The following GTF2H3 variants were observed in gnomAD, a reference collection of about 807,000 sequenced individuals.
GTF2H3 encodes general transcription factor IIH subunit 3, also known as TFIIH basal transcription factor complex p34 subunit.
Under a neutral mutation model 51.1 loss-of-function variants are expected in GTF2H3, and 42 were observed. The ratio of observed to expected loss-of-function variants is 0.82; its 90% CI spans 0.64 to 1.06. GTF2H3 has a LOEUF of 1.06. GTF2H3 is among the 50% of genes least tolerant of loss of function. The pLI, the probability that GTF2H3 is intolerant of heterozygous loss-of-function variation, is 0.00. For missense variants in GTF2H3, 326 were observed against 366.1 expected (o/e 0.89, Z 0.89); for synonymous variants, 123 against 123.8 (o/e 0.99, Z 0.04).
chr12:123,641,464 G>A (rs1366593529), intron 2 of GTF2H3, among the ~76,000 whole-genome samples: 1 of 151,364 alleles, frequency 6.6e-6, no homozygotes, highest in Non-Finnish European at 1.5e-5. Flanking sequence ...GACCTCAAGT[G>A]ATCTGCCTGC....
At chr12:123,636,780 G>A (rs974474845) in intron 1 of GTF2H3, among the ~76,000 whole-genome samples, 1 of 152,246 alleles carries the variant, frequency 6.6e-6, no homozygotes, top group Admixed American at 6.5e-5. Flanking sequence ...AGCTGGGCGT[G>A]GTGGTGCATG....
At chr12:123,638,914 G>A (rs1328155716) in intron 1 of GTF2H3, among the ~76,000 whole-genome samples, 1 of 150,462 alleles carries the variant, frequency 6.6e-6, no homozygotes, top group Non-Finnish European at 1.5e-5. Flanking sequence ...TCCTGGCTCA[G>A]CCTCCCGAGT....
At chr12:123,655,640 C>CT (rs1955577176) in intron 8 of GTF2H3, 131 bp from the exon 9 acceptor site, 1 of 601,754 alleles carries the variant, frequency 1.7e-6, no homozygotes, top group East Asian at 2.9e-5. Context: ...ATGCAAATAT[C>CT]TGCCGTGCAG....
At chr12:123,648,252 TTTTCGTCAAAG>T in intron 4 of GTF2H3, 126 bp downstream of exon 4, 1 of 633,934 alleles carries the variant, frequency 1.6e-6, no homozygotes, top group Non-Finnish European at 2.6e-6. Flanking sequence ...TTAAAAATCA[TTTTCGTCAAAG>T]TTGGTTCATT....
intron 6 of GTF2H3, 46 bp from the exon 7 acceptor site, chr12:123,652,661 T>C (rs1427438804): frequency 1.3e-6 from 2 of 1,534,798 alleles, no homozygotes; most frequent in East Asian, 4.5e-5. Flanking sequence ...CCATATATGA[T>C]TAGTAAGATT....
chr12:123,637,331 C>G (rs1400208343), intron 1 of GTF2H3, among the ~76,000 whole-genome samples: 1 of 151,864 alleles, frequency 6.6e-6, no homozygotes, highest in Non-Finnish European at 1.5e-5. Context: ...CCCAGGATTT[C>G]AAGACCAGCC....
At chr12:123,650,927 G>A (rs2135791934) in intron 4 of GTF2H3, 67 bp from the exon 5 acceptor site, 1 of 966,054 alleles carries the variant, frequency 1.0e-6, no homozygotes, top group Admixed American at 1.8e-5. Flanking sequence ...GTTCAATAAA[G>A]CACCCAATGA....
chr12:123,635,270 A>G (rs1042628293), intron 1 of GTF2H3, among the ~76,000 whole-genome samples: 20 of 152,002 alleles, frequency 1.3e-4, no homozygotes, highest in African/African-American at 4.8e-4. Context: ...TTGTTTTTCT[A>G]TTAAAAAAGA....
Position 123,648,103 on chromosome 12 carries a change from A to C in GTF2H3, c.341A>C (p.Glu114Ala). 6 of 1,606,530 alleles carry C rather than the reference A, an allele frequency of 3.7e-6. No homozygotes were observed. Among genetic ancestry groups the C allele is most frequent in the Non-Finnish European group, 5.1e-6 (6 of 1,175,892 alleles). Residue 114 changes from glutamate (E) to alanine (A), a missense_variant, in exon 4 of 13, where the codon GAG (glutamate) becomes GCG (alanine). Coordinates refer to ENST00000543341, the MANE Select transcript of GTF2H3 (RefSeq NM_001516.5). ...TCAGCAAATGAAGTTATTGTTGAAG[A>C]GATTAAAGATCTAATGACCAAAAGT... ...LTSANEVIVEEIKDLMTKSDI... is the reference protein window; with the variant it reads ...LTSANEVIVEAIKDLMTKSDI...
At chr12:123,655,396 G>A (rs1955573973) in intron 8 of GTF2H3, 2 of 311,582 alleles carry the variant, frequency 6.4e-6, no homozygotes, top group Non-Finnish European at 1.2e-5. Context: ...TTCAGATGAA[G>A]TATAATACAT....
rs1955627577 is a variant in GTF2H3 at position 123,659,531 on chromosome 12, G to T, written c.631G>T (p.Gly211Ter). 6.2e-7 allele frequency: 1 copy of T among 1,614,174 alleles called. No homozygotes were observed. The highest frequency in any genetic ancestry group is 8.5e-7 in the Non-Finnish European group (1 of 1,180,028). ...GLLQQACDIT[G>*]GLYLKVPQMP... The stretch of plus-strand genomic sequence containing the variant: ...TGTCTTGCAGGCTTGTGACATCACG[G>T]GAGGACTGTACCTGAAGGTGCCTCA... The change falls in exon 10 of 13, where the codon GGA (glycine) becomes TGA (stop). Residue 211 changes from glycine to a stop codon, truncating the protein, a stop_gained. Coordinates refer to ENST00000543341, the MANE Select transcript of GTF2H3 (RefSeq NM_001516.5). LOFTEE classifies it high-confidence loss of function.
intron 9 of GTF2H3, among the ~76,000 whole-genome samples, chr12:123,656,292 A>G (rs751400375): frequency 1.3e-5 from 2 of 152,192 alleles, no homozygotes; most frequent in Non-Finnish European, 2.9e-5. Context: ...CTTCAGCTTG[A>G]TCGTAGGTAT....
intron 1 of GTF2H3, among the ~76,000 whole-genome samples, 186 bp downstream of exon 1, chr12:123,634,058 T>C (rs1955234945): frequency 6.6e-6 from 1 of 152,198 alleles, no homozygotes; most frequent in Non-Finnish European, 1.5e-5. Context: ...CAGGCATTAT[T>C]TTCTGGATTT....
rs768618924 is a variant in GTF2H3, at chr12:123,633,886, A to C, written c.13+14A>C. 6.2e-7 allele frequency: 1 copy of C among 1,613,284 alleles called. No individual in the cohort carries two copies. On this transcript the variant is annotated intron_variant, in intron 1 of 12. Coordinates refer to ENST00000543341, the MANE Select transcript of GTF2H3 (RefSeq NM_001516.5). ...TGGTTTCAGACGGTGAGGACCCTGC[A>C]GGGCGGGACTTCGACTCCGGGGCTC...
chr12:123,639,950 C>G (rs1179802425), intron 2 of GTF2H3: 1 of 455,806 alleles, frequency 2.2e-6, no homozygotes, highest in African/African-American at 2.0e-5. Flanking sequence ...ATTTGTGTGT[C>G]CATCAGCACC....
At chr12:123,644,836 C>T (rs1330209214) in intron 2 of GTF2H3, among the ~76,000 whole-genome samples, 1 of 152,166 alleles carries the variant, frequency 6.6e-6, no homozygotes, top group Non-Finnish European at 1.5e-5. Flanking sequence ...TCATTATCTA[C>T]TCCACATATA....
At chr12:123,656,802 C>T (rs923806693) in intron 9 of GTF2H3, among the ~76,000 whole-genome samples, 12 of 152,186 alleles carry the variant, frequency 7.9e-5, no homozygotes, top group African/African-American at 2.9e-4. Flanking sequence ...TAAAATATAT[C>T]CTGGCTGAGC....
intron 9 of GTF2H3, among the ~76,000 whole-genome samples, chr12:123,657,505 C>T (rs1955602552): frequency 6.6e-6 from 1 of 152,248 alleles, no homozygotes; most frequent in African/African-American, 2.4e-5. Flanking sequence ...TGGCCTACTC[C>T]CTGCCTGCCT....
intron 8 of GTF2H3, chr12:123,655,515 A>G: frequency 2.3e-6 from 1 of 433,078 alleles, no homozygotes; most frequent in Non-Finnish European, 4.1e-6. Flanking sequence ...GAGTGGCAGC[A>G]TGATGTAGTG....
Sources: allele counts gnomAD v4.1 joint callset (sites outside exome capture counted in the v4.1 genomes callset), GRCh38; gene constraint gnomAD v4.1.1; transcripts MANE v1.5; gene names NCBI Gene and HGNC (gene_info 2026-07-23, HGNC 2026-07-21).